The following PRKAG2 variants were observed in gnomAD, a reference collection of about 807,000 sequenced individuals.
PRKAG2 encodes 5'-AMP-activated protein kinase subunit gamma-2.
PRKAG2 carries 26 observed loss-of-function variants against 69.6 expected under a neutral mutation model. The observed-to-expected ratio is 0.37, with a 90% CI of 0.27 to 0.52. The LOEUF (loss-of-function observed/expected upper bound fraction) is 0.52, where lower values mean the gene tolerates loss of function less well. Among genes scored for constraint, PRKAG2 ranks in the 20% least tolerant of loss-of-function variants. The pLI, the probability that PRKAG2 is intolerant of heterozygous loss-of-function variation, is 0.90. For synonymous variants in PRKAG2, 293 were observed against 285.0 expected, an observed-to-expected ratio of 1.03 and a Z score of -0.28; for missense variants, 557 against 740.0, an observed-to-expected ratio of 0.75 and a Z score of 2.87.
At chr7:151,626,900 T>C (rs4726067) in intron 5 of PRKAG2, among the ~76,000 whole-genome samples, 18,699 of 151,446 alleles carry the variant, frequency 0.12, 1,346 homozygotes, top group African/African-American at 0.16. Flanking sequence ...GTGGCCAAAA[T>C]CCACTGTAAC....
At chr7:151,838,620 C>T (rs1263006880) in intron 1 of PRKAG2, among the ~76,000 whole-genome samples, 4 of 150,820 alleles carry the variant, frequency 2.7e-5, no homozygotes, top group African/African-American at 9.8e-5. Context: ...GGTGGGAGGA[C>T]CGCTGGAGCC....
At chr7:151,823,259 A>G (rs1026275121) in intron 1 of PRKAG2, among the ~76,000 whole-genome samples, 9 of 151,894 alleles carry the variant, frequency 5.9e-5, no homozygotes, top group Non-Finnish European at 1.2e-4. Flanking sequence ...TTTTTCCAAA[A>G]ATTGAATAAA....
intron 9 of PRKAG2, among the ~76,000 whole-genome samples, chr7:151,570,683 C>G (rs546975930): frequency 1.8e-4 from 28 of 152,310 alleles, no homozygotes; most frequent in African/African-American, 6.0e-4. Context: ...AATTGATGCT[C>G]AAAACCTACT....
At chr7:151,608,126 G>A (rs535905872) in intron 5 of PRKAG2, among the ~76,000 whole-genome samples, 2 of 152,238 alleles carry the variant, frequency 1.3e-5, no homozygotes, top group Non-Finnish European at 2.9e-5. Flanking sequence ...AAGGACTGCC[G>A]GCAACAGCAG....
intron 6 of PRKAG2, among the ~76,000 whole-genome samples, chr7:151,587,269 C>A (rs1279717441): frequency 6.6e-6 from 1 of 152,088 alleles, no homozygotes; most frequent in Non-Finnish European, 1.5e-5. Flanking sequence ...TGGATTATAA[C>A]CCAAAAATAA....
intron 4 of PRKAG2, among the ~76,000 whole-genome samples, chr7:151,642,000 C>A (rs1585437145): frequency 7.0e-6 from 1 of 143,426 alleles, no homozygotes; most frequent in East Asian, 2.1e-4. Context: ...TTGAGACCAG[C>A]CTGGGCAACA....
At chr7:151,846,165 A>C (rs896604523) in intron 1 of PRKAG2, among the ~76,000 whole-genome samples, 1 of 152,212 alleles carries the variant, frequency 6.6e-6, no homozygotes, top group African/African-American at 2.4e-5. Flanking sequence ...TTCTAGTCTT[A>C]GAAAGTTTCT....
rs922736554 is a variant in PRKAG2 at position 151,781,818 on chromosome 7, C to G, written c.187-387G>C. 6.6e-6 allele frequency among the ~76,000 whole-genome samples: 1 copy of G among 152,214 alleles called. No individual in the cohort carries two copies. The highest frequency in any genetic ancestry group is 2.4e-5 in the African/African-American group (1 of 41,450). On this transcript the variant is annotated intron_variant, in intron 2 of 15. Transcript: ENST00000287878. The surrounding 1 kb of genome is among the most constrained non-coding windows in gnomAD (Gnocchi z 6.1). ...CCATCCAAGTTCTGACCACACAGGA[C>G]TGCAGTCCTCTTGCCTGCCTATAAG...
Position 151,719,399 on chromosome 7 carries a change from C to T in PRKAG2, c.467-43762G>A, listed in dbSNP as rs1796683630. Reference sequence around the variant, plus strand: ...TATAACTTCCGCTTCCCCCTTCACACAGAGACCATGCTCCCAACCCACCCC... The same window carrying T: ...TATAACTTCCGCTTCCCCCTTCACATAGAGACCATGCTCCCAACCCACCCC... On this transcript the variant is annotated intron_variant, in intron 3 of 15. Coordinates refer to ENST00000287878, the MANE Select transcript of PRKAG2 (RefSeq NM_016203.4). The surrounding 1 kb of genome is among the most constrained non-coding windows in gnomAD (Gnocchi z 5.2). Among the ~76,000 whole-genome samples the T allele has an allele frequency of 2.0e-5, 3 of 152,116 alleles. No individual in the cohort carries two copies. Among genetic ancestry groups the T allele is most frequent in the African/African-American group, 7.2e-5 (3 of 41,426 alleles).
In PRKAG2 at chr7:151,739,129, G is replaced by A. The variant is rs79723826; in HGVS notation, c.466+42023C>T. ...ACACCAGCTCCCAAGAAGCCTGCTC[G>A]GCCCCGGCATGGCTCCGGTGTAGCT... On this transcript the variant is annotated intron_variant, in intron 3 of 15. Coordinates refer to ENST00000287878, the MANE Select transcript of PRKAG2 (RefSeq NM_016203.4). Among the ~76,000 whole-genome samples, 840 of 152,324 alleles carry A rather than the reference G, an allele frequency of 5.5e-3. 6 individuals are homozygous for A. The highest frequency in any genetic ancestry group is 0.018 in the African/African-American group (756 of 41,562).
intron 3 of PRKAG2, among the ~76,000 whole-genome samples, chr7:151,703,877 CACACACACACA>C (rs1838148871): frequency 6.7e-6 from 1 of 148,460 alleles, no homozygotes; most frequent in Admixed American, 6.7e-5. Context: ...CACACACACA[CACACACACACA>C]CACACACACA....
intron 1 of PRKAG2, chr7:151,815,009 G>T: frequency 3.7e-6 from 1 of 271,342 alleles, no homozygotes; most frequent in Non-Finnish European, 5.6e-6. Context: ...CCTCTGGCCA[G>T]CACAACCCCT....
At chr7:151,743,863 C>T (rs560543762) in intron 3 of PRKAG2, among the ~76,000 whole-genome samples, 3 of 152,300 alleles carry the variant, frequency 2.0e-5, no homozygotes, top group East Asian at 3.9e-4. Flanking sequence ...CCAGGCTTGG[C>T]CAGCCAGGGC....
At chr7:151,705,876 T>G (rs1838512270) in intron 3 of PRKAG2, among the ~76,000 whole-genome samples, 1 of 152,086 alleles carries the variant, frequency 6.6e-6, no homozygotes, top group African/African-American at 2.4e-5. Flanking sequence ...TGCGTTTTAT[T>G]TGACATTCCT....
intron 2 of PRKAG2, among the ~76,000 whole-genome samples, chr7:151,783,214 G>A (rs942231629): frequency 6.6e-6 from 1 of 152,256 alleles, no homozygotes; most frequent in African/African-American, 2.4e-5. Flanking sequence ...AGCCGGCGCC[G>A]CCACGTGGAG....
chr7:151,682,394 T>C (rs1284670014), intron 3 of PRKAG2, among the ~76,000 whole-genome samples: 1 of 151,782 alleles, frequency 6.6e-6, no homozygotes, highest in Non-Finnish European at 1.5e-5. Context: ...GCAAATACCA[T>C]TACACCAGCT....
chr7:151,857,766 T>C (rs994398010), intron 1 of PRKAG2, among the ~76,000 whole-genome samples: 2 of 152,232 alleles, frequency 1.3e-5, no homozygotes, highest in African/African-American at 4.8e-5. Flanking sequence ...GCTCTTCTTT[T>C]CCCTTCAGGT....
At chr7:151,673,843 T>A (rs1229678284) in intron 4 of PRKAG2, among the ~76,000 whole-genome samples, 1 of 138,948 alleles carries the variant, frequency 7.2e-6, no homozygotes, top group African/African-American at 3.0e-5. Context: ...GTGTTCTTTT[T>A]TTTTTTTTTT....
At chr7:151,867,546 G>A (rs1318828889) in intron 1 of PRKAG2, among the ~76,000 whole-genome samples, 4 of 152,124 alleles carry the variant, frequency 2.6e-5, no homozygotes, top group African/African-American at 9.7e-5. Flanking sequence ...AGTGGATGAG[G>A]GCCGGTCCTA....
Sources: allele counts gnomAD v4.1 joint callset (sites outside exome capture counted in the v4.1 genomes callset), GRCh38; gene constraint gnomAD v4.1.1; non-coding constraint Gnocchi (gnomAD v3.1); transcripts MANE v1.5; gene names NCBI Gene and HGNC (gene_info 2026-07-23, HGNC 2026-07-21).